Variants in PDE3B observed in about 807,000 individuals in gnomAD.
PDE3B encodes phosphodiesterase 3B.
In PDE3B, 66 loss-of-function variants were observed where a neutral mutation model predicts 116.8. That is an observed-to-expected ratio of 0.56 (90% confidence interval 0.46 to 0.69). PDE3B has a LOEUF of 0.69. Among genes scored for constraint, PDE3B ranks in the 30% least tolerant of loss-of-function variants. The pLI is 0.00. For missense variants in PDE3B, 1,384 were observed against 1,368.1 expected, an observed-to-expected ratio of 1.01 and a Z score of -0.18; for synonymous variants, 595 against 533.6, an observed-to-expected ratio of 1.12 and a Z score of -1.59.
intron 14 of PDE3B, among the ~76,000 whole-genome samples, chr11:14,865,474 C>G (rs1848027165): frequency 6.6e-6 from 1 of 152,088 alleles, no homozygotes; most frequent in Non-Finnish European, 1.5e-5. Flanking sequence ...CCTATATAAC[C>G]ATGCACCTGG....
At chr11:14,847,701 T>C (rs1052532087) in intron 12 of PDE3B, among the ~76,000 whole-genome samples, 1 of 152,144 alleles carries the variant, frequency 6.6e-6, no homozygotes, top group Non-Finnish European at 1.5e-5. Flanking sequence ...CAGAGAATAG[T>C]ACAAACAGCT....
chr11:14,786,784 C>T, intron 3 of PDE3B, 99 bp downstream of exon 3: 1 of 961,288 alleles, frequency 1.0e-6, no homozygotes, highest in Non-Finnish European at 1.6e-6. Flanking sequence ...ATTTTCGTTT[C>T]AAGGATCAGA....
Position 14,759,201 on chromosome 11 carries a change from G to A in PDE3B, c.979-12736G>A, listed in dbSNP as rs538591393. On this transcript the variant is annotated intron_variant, in intron 1 of 15. Coordinates refer to ENST00000282096, the MANE Select transcript of PDE3B (RefSeq NM_000922.4). ...TTTTATTGAGGATTTTTGCATCAATGTTCGTCAAGGATATTGGTCTAAAAT... is the reference window on the plus strand; with the variant it reads ...TTTTATTGAGGATTTTTGCATCAATATTCGTCAAGGATATTGGTCTAAAAT... Among the ~76,000 whole-genome samples, 9 of 152,240 alleles carry A rather than the reference G, an allele frequency of 5.9e-5. 1 individual carries two copies. The South Asian group carries it at 1.9e-3, about 32-fold the overall frequency.
At chr11:14,759,549 T>G (rs1040698035) in intron 1 of PDE3B, among the ~76,000 whole-genome samples, 3 of 99,080 alleles carry the variant, frequency 3.0e-5, no homozygotes, top group Non-Finnish European at 4.1e-5. Flanking sequence ...TCAGAAGTAG[T>G]TTTTTTTTTT....
intron 12 of PDE3B, 76 bp from the exon 13 acceptor site, chr11:14,858,967 T>C (rs1555006591): frequency 1.9e-6 from 2 of 1,051,802 alleles, no homozygotes; most frequent in Non-Finnish European, 2.8e-6. Context: ...GTTTGTATAC[T>C]TCCAACCTGA....
chr11:14,644,455 G>A lies in PDE3B; in HGVS notation c.380G>A (p.Cys127Tyr), dbSNP rs746881057. The A allele has an allele frequency of 1.2e-5, 19 of 1,613,114 alleles. No homozygotes were observed. Among genetic ancestry groups the A allele is most frequent in the Non-Finnish European group, 1.5e-5 (18 of 1,179,714 alleles). ...TTGAGCCCCCTCTTCAGCATCGCCTGTGCCTTCTTCTTCCTCACCTGCTTC... is the reference window on the plus strand; with the variant it reads ...TTGAGCCCCCTCTTCAGCATCGCCTATGCCTTCTTCTTCCTCACCTGCTTC... ...HSLSPLFSIA[C>Y]AFFFLTCFLT... is the part of the protein sequence containing the mutation. The change falls in exon 1 of 16, where the codon TGT becomes TAT. Residue 127 changes from cysteine to tyrosine, a missense_variant. Cys to Tyr is a radical substitution (Grantham distance 194). Around this residue, in one of 2 missense-constraint regions of PDE3B, gnomAD observed 956 missense variants for 806.8 expected, o/e 1.18. Coordinates refer to ENST00000282096, the MANE Select transcript of PDE3B (RefSeq NM_000922.4).
chr11:14,654,333 G>A (rs1853646989), intron 1 of PDE3B, among the ~76,000 whole-genome samples: 1 of 152,070 alleles, frequency 6.6e-6, no homozygotes. Context: ...AAGAATGAAT[G>A]GCAGTTTTAC....
At chr11:14,759,721 G>T (rs1265009651) in intron 1 of PDE3B, among the ~76,000 whole-genome samples, 1 of 151,778 alleles carries the variant, frequency 6.6e-6, no homozygotes, top group African/African-American at 2.4e-5. Flanking sequence ...GCTAATTTTT[G>T]TATTTTTAGT....
chr11:14,694,693 T>A (rs1855152053), intron 1 of PDE3B, among the ~76,000 whole-genome samples: 1 of 152,204 alleles, frequency 6.6e-6, no homozygotes, highest in African/African-American at 2.4e-5. Flanking sequence ...TCATGTGACA[T>A]GCTTTATTCT....
In PDE3B at chr11:14,819,109, A is replaced by T. The variant is rs117052944; in HGVS notation, c.1734-27A>T. On this transcript the variant is annotated intron_variant, in intron 6 of 15. Transcript: ENST00000282096. ...AAAAAACTTGTACCTCATTTACCGT[A>T]TATATTTATCTATTTTATTCTATAA... 3.8e-3 allele frequency: 5,235 copies of T among 1,375,266 alleles called. 21 individuals carry two copies. Among genetic ancestry groups the T allele is most frequent in the Non-Finnish European group, 4.0e-3 (3,938 of 973,406 alleles). 85.2% of individuals were successfully genotyped at this position (1,375,266 alleles called of 1,614,324 possible). A position where few individuals can be genotyped will look rare whatever the true frequency, so the allele number is the denominator to read the frequency against.
At chr11:14,812,914 C>T (rs1337869485) in intron 5 of PDE3B, among the ~76,000 whole-genome samples, 2 of 152,084 alleles carry the variant, frequency 1.3e-5, no homozygotes, top group East Asian at 3.9e-4. Flanking sequence ...GTGATTAGGT[C>T]ATGTGAGTGG....
At chr11:14,880,547 C>T in the PDE3B span, 1 of 1,613,374 alleles carries the variant, frequency 6.2e-7, no homozygotes, top group African/African-American at 1.3e-5. Flanking sequence ...AATCGTTCTC[C>T]AAAAATGATC....
At chr11:14,704,493 A>G (rs1171799202) in intron 1 of PDE3B, among the ~76,000 whole-genome samples, 2 of 151,786 alleles carry the variant, frequency 1.3e-5, no homozygotes, top group African/African-American at 2.4e-5. Context: ...AGTCAAAGCA[A>G]TAAAAAAGAA....
intron 4 of PDE3B, among the ~76,000 whole-genome samples, chr11:14,798,175 T>C (rs572868590): frequency 6.6e-6 from 1 of 152,358 alleles, no homozygotes; most frequent in East Asian, 1.9e-4. Flanking sequence ...CTTTTGTGCA[T>C]CTATTGAGAT....
At chr11:14,804,182 G>A in intron 5 of PDE3B, 132 bp downstream of exon 5, 1 of 592,366 alleles carries the variant, frequency 1.7e-6, no homozygotes, top group African/African-American at 1.9e-5. Flanking sequence ...TGACTTAGCA[G>A]TTTGGGTTGG....
In PDE3B at chr11:14,869,571, G is replaced by T; in HGVS notation, c.3250G>T (p.Ala1084Ser). Residue 1084 changes from alanine to serine, a missense_variant, in exon 16 of 16, where the codon GCT (alanine) becomes TCT (serine). This residue lies in a region of PDE3B where 428 missense variants were observed against 561.4 expected (regional missense o/e 0.76). Coordinates refer to ENST00000282096, the MANE Select transcript of PDE3B (RefSeq NM_000922.4). The stretch of plus-strand genomic sequence containing the variant: ...CGTAGAGGAAGAAGAAAAATGTAAA[G>T]CTGATGGGAATAAACTGCAGGTGGA... ...EIVEEEEKCKADGNKLQVENS... is the reference protein window; with the variant it reads ...EIVEEEEKCKSDGNKLQVENS... The T allele has an allele frequency of 6.2e-7, 1 of 1,613,904 alleles. No homozygotes were observed. Among genetic ancestry groups the T allele is most frequent in the Non-Finnish European group, 8.5e-7 (1 of 1,179,954 alleles).
intron 1 of PDE3B, among the ~76,000 whole-genome samples, chr11:14,704,266 A>G (rs558281122): frequency 6.6e-6 from 1 of 151,892 alleles, no homozygotes; most frequent in South Asian, 2.1e-4. Context: ...CTATTGATTT[A>G]ATTGGTTTGA....
intron 2 of PDE3B, among the ~76,000 whole-genome samples, chr11:14,785,659 G>A (rs541692124): frequency 1.3e-5 from 2 of 152,000 alleles, no homozygotes; most frequent in East Asian, 3.9e-4. Flanking sequence ...TTTTTTCAGA[G>A]AGTAAAAATC....
At chr11:14,715,704 C>T (rs991407733) in intron 1 of PDE3B, among the ~76,000 whole-genome samples, 4 of 152,192 alleles carry the variant, frequency 2.6e-5, no homozygotes, top group Non-Finnish European at 5.9e-5. Context: ...TATCTGCAAA[C>T]AGAGACTATT....
Sources: allele counts gnomAD v4.1 joint callset (sites outside exome capture counted in the v4.1 genomes callset), GRCh38; gene constraint gnomAD v4.1.1; regional missense constraint gnomAD v4.1.1; transcripts MANE v1.5; gene names NCBI Gene and HGNC (gene_info 2026-07-23, HGNC 2026-07-21).